Variants in EXOC5 observed in about 807,000 individuals in gnomAD.
EXOC5 encodes the protein SEC10-like 1.
In EXOC5, 17 loss-of-function variants were observed where a neutral mutation model predicts 90.8. The ratio of observed to expected loss-of-function variants is 0.19; its 90% CI spans 0.13 to 0.28. The LOEUF (loss-of-function observed/expected upper bound fraction) is 0.28. EXOC5 is among the 10% of genes least tolerant of loss of function. EXOC5 has a pLI of 1.00. For synonymous variants in EXOC5, 260 were observed against 270.0 expected (o/e 0.96, Z 0.36); for missense variants, 569 against 830.6 (o/e 0.69, Z 3.87).
At position 57,206,027 on chromosome 14, in the gene EXOC5, T is replaced by C. The variant is rs1320578101; in HGVS notation, c.*2582A>G. 6.6e-6 allele frequency: 3 copies of C among 454,128 alleles called. No individual in the cohort carries two copies. The highest frequency in any genetic ancestry group is 4.8e-5 in the Admixed American group (2 of 41,820). The allele number at this position is 454,128 out of a possible 1,614,324, so 28.1% of individuals were successfully genotyped here. On this transcript the variant is annotated 3_prime_UTR_variant, in exon 18 of 18. Transcript: ENST00000621441. ...TAATTTACATAAGGTAGGCTTCCTT[T>C]ATTAAATTCGTATTCTGTATTTCAG... is the stretch of plus-strand genomic sequence containing the variant.
chr14:57,262,381 T>A (rs1008976307), intron 1 of EXOC5, among the ~76,000 whole-genome samples: 1 of 152,100 alleles, frequency 6.6e-6, no homozygotes, highest in South Asian at 2.1e-4. Flanking sequence ...AGAGATGTCT[T>A]CCACCTCCTG....
At chr14:57,222,446 C>A (rs774959181) in intron 12 of EXOC5, 30 bp from the exon 13 acceptor site, 28 of 1,283,072 alleles carry the variant, frequency 2.2e-5, no homozygotes, top group African/African-American at 4.4e-5. Flanking sequence ...CAATATCACT[C>A]CTCAAGTCTA....
chr14:57,217,009 A>G (rs547423655), intron 15 of EXOC5, among the ~76,000 whole-genome samples: 1 of 152,354 alleles, frequency 6.6e-6, no homozygotes, highest in East Asian at 1.9e-4. Flanking sequence ...GCTAACAGGT[A>G]TATGAAAAGG....
At chr14:57,254,683 AC>A (rs1884296311) in intron 1 of EXOC5, among the ~76,000 whole-genome samples, 1 of 152,144 alleles carries the variant, frequency 6.6e-6, no homozygotes, top group African/African-American at 2.4e-5. Flanking sequence ...TGGAGATGGG[AC>A]CTTTGGGGAG....
In EXOC5 at chr14:57,207,104, C is replaced by A. The variant is rs1882680599; in HGVS notation, c.*1505G>T. The stretch of plus-strand genomic sequence containing the variant: ...AAATGCTCTGAAAGAAGTTGGTATA[C>A]TTCATTCCCCAGCTTACCTTGGTAA... On this transcript the variant is annotated 3_prime_UTR_variant, in exon 18 of 18. Transcript: ENST00000621441. 6.6e-6 allele frequency: 1 copy of A among 152,448 alleles called. No homozygotes were observed. Among genetic ancestry groups the A allele is most frequent in the Non-Finnish European group, 1.5e-5 (1 of 67,940 alleles). The allele number at this position is 152,448 out of a possible 1,614,324, so 9.4% of individuals were successfully genotyped here.
At chr14:57,231,210 C>T (rs542333460) in intron 11 of EXOC5, among the ~76,000 whole-genome samples, 7 of 151,846 alleles carry the variant, frequency 4.6e-5, no homozygotes, top group African/African-American at 1.2e-4. Flanking sequence ...GGTTTCACCA[C>T]GTTGGCCAGG....
rs1883172224 is a variant in EXOC5 at position 57,222,413 on chromosome 14, A to T, written c.1300T>A (p.Ser434Thr). ...TTCCTTGGTAAGTCAGAAGGATCAG[A>T]GAGCTTAAAAACAAAAATCAAACAA... ...KQAFERCHRL[S>T]DPSDLPRNAF... The change falls in exon 13 of 18, where the codon TCT becomes ACT. Residue 434 changes from serine (S) to threonine (T), a missense_variant. Physicochemically the swap from Ser to Thr is moderately conservative, Grantham distance 58 (BLOSUM62 1). Transcript: ENST00000621441. 1.3e-6 allele frequency: 2 copies of T among 1,576,420 alleles called. No individual in the cohort carries two copies. The highest frequency in any genetic ancestry group is 1.7e-6 in the Non-Finnish European group (2 of 1,156,998).
At chr14:57,252,046 G>A (rs906750194) in intron 1 of EXOC5, among the ~76,000 whole-genome samples, 5 of 152,166 alleles carry the variant, frequency 3.3e-5, no homozygotes, top group Non-Finnish European at 5.9e-5. Context: ...TAGCCAGTAA[G>A]GGGACTGAAT....
At chr14:57,247,593 G>A (rs1042974624) in intron 2 of EXOC5, 25 bp downstream of exon 2, 3 of 1,221,346 alleles carry the variant, frequency 2.5e-6, no homozygotes, top group Non-Finnish European at 3.5e-6. Flanking sequence ...TTAGATCTGT[G>A]GGGAAAAAAA....
chr14:57,225,619 T>C (rs1267835041), intron 12 of EXOC5, among the ~76,000 whole-genome samples: 1 of 147,112 alleles, frequency 6.8e-6, no homozygotes, highest in Non-Finnish European at 1.5e-5. Flanking sequence ...ATAGAACTAA[T>C]AAGTGAGTTT....
chr14:57,211,754 T>A (rs1882832838), intron 15 of EXOC5: 2 of 152,246 alleles, frequency 1.3e-5, no homozygotes, highest in African/African-American at 2.4e-5. Flanking sequence ...GTGCCAGTAG[T>A]CCCAGCTACT....
intron 1 of EXOC5, chr14:57,268,301 C>T: frequency 1.8e-6 from 1 of 544,084 alleles, no homozygotes; most frequent in South Asian, 2.1e-5. Context: ...CACTACTCAT[C>T]CGGAGTAGAC....
rs891911556 is a variant in EXOC5, at chr14:57,209,631, C to T, written c.1874G>A (p.Cys625Tyr). Reference protein sequence around the residue: ...YEHLQQYSYSCMGGMLAICDV... With the variant: ...YEHLQQYSYSYMGGMLAICDV... ...ACAAATGGCCAACATGCCACCCATA[C>T]AACTGTAGGAATATTGTTGAAGATG... Residue 625 changes from cysteine to tyrosine, a missense_variant, in exon 17 of 18, where the codon TGT becomes TAT. This residue lies in a region of EXOC5 where 122 missense variants were observed against 180.0 expected (regional missense o/e 0.68). Coordinates refer to ENST00000621441, the MANE Select transcript of EXOC5 (RefSeq NM_006544.4). 1.2e-6 allele frequency: 2 copies of T among 1,613,382 alleles called. No individual in the cohort carries two copies. Among genetic ancestry groups the T allele is most frequent in the Admixed American group, 3.3e-5 (2 of 59,940 alleles).
At position 57,244,270 on chromosome 14, in the gene EXOC5, T is replaced by C. The variant is rs1333106563; in HGVS notation, c.360A>G (p.Val120=). The part of the protein sequence containing the change: ...VCHLGDQLEG[V]NTPRQRAVEA... ...CCACTGCCCGTTGTCTGGGTGTGTT[T>C]ACCCCCTCTAACTGGTCTCCAAGGT... The change falls in exon 4 of 18, where the codon GTA becomes GTG. Residue 120 remains valine, a synonymous_variant. Coordinates refer to ENST00000621441, the MANE Select transcript of EXOC5 (RefSeq NM_006544.4). 1 of 1,612,936 alleles carries C rather than the reference T, an allele frequency of 6.2e-7. No individual in the cohort carries two copies. The highest frequency in any genetic ancestry group is 8.5e-7 in the Non-Finnish European group (1 of 1,178,902).
At chr14:57,227,522 A>AGATT (rs1156592086) in intron 12 of EXOC5, among the ~76,000 whole-genome samples, 1 of 152,186 alleles carries the variant, frequency 6.6e-6, no homozygotes, top group East Asian at 1.9e-4. Context: ...AGTTTCTCTA[A>AGATT]GAAACTGCCA....
At chr14:57,222,647 T>C (rs539582678) in intron 12 of EXOC5, among the ~76,000 whole-genome samples, 1 of 151,714 alleles carries the variant, frequency 6.6e-6, no homozygotes, top group East Asian at 1.9e-4. Context: ...CAAACTTGGA[T>C]TGCAATCCAT....
intron 5 of EXOC5, among the ~76,000 whole-genome samples, chr14:57,238,988 T>C (rs1245188005): frequency 6.6e-6 from 1 of 152,048 alleles, no homozygotes; most frequent in Non-Finnish European, 1.5e-5. Flanking sequence ...TCCTTCTCAG[T>C]GGATAGTTTA....
chr14:57,248,944 T>C (rs989620760), intron 1 of EXOC5, among the ~76,000 whole-genome samples: 1 of 152,130 alleles, frequency 6.6e-6, no homozygotes, highest in African/African-American at 2.4e-5. Flanking sequence ...TAAAGATTTT[T>C]AACGTCATCT....
At chr14:57,222,064 T>C (rs1384107909) in intron 13 of EXOC5, among the ~76,000 whole-genome samples, 1 of 152,168 alleles carries the variant, frequency 6.6e-6, no homozygotes, top group Non-Finnish European at 1.5e-5. Flanking sequence ...TAAGACATTG[T>C]GTCATACATT....
Sources: gnomAD v4.1 joint callset for allele counts (sites outside exome capture counted in the v4.1 genomes callset) on GRCh38, gnomAD v4.1.1 for gene constraint, gnomAD v4.1.1 regional missense constraint, MANE v1.5 for transcripts, NCBI Gene and HGNC (gene_info 2026-07-23, HGNC 2026-07-21) for gene names.